Variants in MAPKBP1 observed in about 807,000 individuals in gnomAD.
MAPKBP1 encodes the protein mitogen-activated protein kinase binding protein 1, also known as mitogen-activated protein kinase-binding protein 1.
MAPKBP1 carries 71 observed loss-of-function variants against 170.5 expected under a neutral mutation model. The observed-to-expected ratio is 0.42, with a 90% CI of 0.34 to 0.51. MAPKBP1 has a LOEUF of 0.51. MAPKBP1 is among the 20% of genes least tolerant of loss of function. The pLI is 0.06. For synonymous variants in MAPKBP1, 719 were observed against 757.9 expected, an observed-to-expected ratio of 0.95 and a Z score of 0.84; for missense variants, 1,598 against 1,933.0, an observed-to-expected ratio of 0.83 and a Z score of 3.25.
In MAPKBP1 at chr15:41,813,623, C is replaced by G; in HGVS notation, c.822C>G (p.Thr274=). 1 of 1,613,770 alleles carries G rather than the reference C, an allele frequency of 6.2e-7. No individual in the cohort carries two copies. The highest frequency in any genetic ancestry group is 2.2e-5 in the East Asian group (1 of 44,880). The change falls in exon 9 of 31, where the codon ACC becomes ACG. Residue 274 remains threonine (T), a splice_region_variant and synonymous_variant. Coordinates refer to ENST00000457542, the MANE Select transcript of MAPKBP1 (RefSeq NM_014994.3). The stretch of plus-strand genomic sequence containing the variant: ...GAGCTGAGCCACTCTGCCCACAGAC[C>G]ACAGTGGCCCACTGCATCTCTGTGA... ...RLLDKWVELR[T]TVAHCISVSQ...
intron 3 of MAPKBP1, among the ~76,000 whole-genome samples, chr15:41,808,121 T>G (rs1343163040): frequency 6.8e-6 from 1 of 147,394 alleles, no homozygotes; most frequent in African/African-American, 2.5e-5. Context: ...TTTTTTTTTT[T>G]TTGTAGACCT....
rs2140864202 is a variant in MAPKBP1 at position 41,826,969 on chromosome 15, GC to G, written c.*1536del. ...TCAGGCCACGAGAGCCCCTTCACCC[GC>G]CCTGCTGCGCCATAGGCAGAGGCTT... On this transcript the variant is annotated 3_prime_UTR_variant, in exon 31 of 31. Coordinates refer to ENST00000457542, the MANE Select transcript of MAPKBP1 (RefSeq NM_014994.3). The G allele has an allele frequency of 6.6e-6, 1 of 152,272 alleles. No individual in the cohort carries two copies. Among genetic ancestry groups the G allele is most frequent in the Non-Finnish European group, 1.5e-5 (1 of 68,072 alleles). The allele number at this position is 152,272 out of a possible 1,614,324, so 9.4% of individuals were successfully genotyped here. A position where few individuals can be genotyped will look rare whatever the true frequency, so the allele number is the denominator to read the frequency against.
chr15:41,827,429 C>G lies in MAPKBP1; in HGVS notation c.*1993C>G, dbSNP rs1172906649. On this transcript the variant is annotated 3_prime_UTR_variant, in exon 31 of 31. Coordinates refer to ENST00000457542, the MANE Select transcript of MAPKBP1 (RefSeq NM_014994.3). ...TCGCCACCCGCATGGCCCTGGAACT[C>G]CCGCGGCGGCGGGGGCGGGCCCGTG... 3.9e-5 allele frequency: 6 copies of G among 152,530 alleles called. No individual in the cohort carries two copies. Among genetic ancestry groups the G allele is most frequent in the African/African-American group, 9.6e-5 (4 of 41,476 alleles). The allele number at this position is 152,530 out of a possible 1,614,324, so 9.4% of individuals were successfully genotyped here. A position where few individuals can be genotyped will look rare whatever the true frequency, so the allele number is the denominator to read the frequency against.
chr15:41,775,288 G>A lies in MAPKBP1; in HGVS notation c.13G>A (p.Gly5Arg), dbSNP rs1296588567. The change falls in exon 2 of 31, where the codon GGG becomes AGG. Residue 5 changes from glycine to arginine, a missense_variant. Physicochemically the swap from Gly to Arg is moderately radical, Grantham distance 125 (BLOSUM62 -2). Coordinates refer to ENST00000457542, the MANE Select transcript of MAPKBP1 (RefSeq NM_014994.3). MAVE[G>R]STITSRIKNL... ...GTTTCTCGTCATAATGGCTGTGGAAGGGTCAACCATTACCAGCCGGATCAA... is the reference window on the plus strand; with the variant it reads ...GTTTCTCGTCATAATGGCTGTGGAAAGGTCAACCATTACCAGCCGGATCAA... 1 of 1,613,760 alleles carries A rather than the reference G, an allele frequency of 6.2e-7. No individual in the cohort carries two copies. The highest frequency in any genetic ancestry group is 8.5e-7 in the Non-Finnish European group (1 of 1,179,786).
rs894889935 is a variant in MAPKBP1, at chr15:41,815,337, A to G, written c.1249A>G (p.Ile417Val). The G allele has an allele frequency of 6.2e-7, 1 of 1,614,052 alleles. No homozygotes were observed. The highest frequency in any genetic ancestry group is 8.5e-7 in the Non-Finnish European group (1 of 1,179,978). The change falls in exon 11 of 31, where the codon ATC (isoleucine) becomes GTC (valine). Residue 417 changes from isoleucine (I) to valine (V), a missense_variant. Around this residue, in one of 6 missense-constraint regions of MAPKBP1, gnomAD observed 430 missense variants for 617.2 expected, o/e 0.70. Coordinates refer to ENST00000457542, the MANE Select transcript of MAPKBP1 (RefSeq NM_014994.3). ...SFITCSSDNT[I>V]RLWNTESSGV... is the part of the protein sequence containing the mutation. The stretch of plus-strand genomic sequence containing the variant: ...TATTACCTGCTCCTCAGACAACACC[A>G]TCCGCCTGTGGAACACAGAGAGCTC...
chr15:41,818,729 C>T lies in MAPKBP1; in HGVS notation c.2157-94C>T, dbSNP rs956735705. 6.4e-7 allele frequency: 1 copy of T among 1,559,888 alleles called. No individual in the cohort carries two copies. ...GTGCTTGACCTGAAGTGGAGGGTGG[C>T]TCTGGTCTCCTTGCCATCCATGGAT... On this transcript the variant is annotated intron_variant, in intron 19 of 30. Transcript: ENST00000457542. The surrounding 1 kb of genome is among the most constrained non-coding windows in gnomAD (Gnocchi z 5.2).
At position 41,819,379 on chromosome 15, in the gene MAPKBP1, G is replaced by A. The variant is rs1222853895; in HGVS notation, c.2425G>A (p.Ala809Thr). The A allele has an allele frequency of 6.2e-7, 1 of 1,613,940 alleles. No individual in the cohort carries two copies. Among genetic ancestry groups the A allele is most frequent in the Non-Finnish European group, 8.5e-7 (1 of 1,179,932 alleles). Residue 809 changes from alanine (A) to threonine (T), a missense_variant and splice_region_variant, in exon 21 of 31, where the codon GCC becomes ACC. Physicochemically the swap from Ala to Thr is moderately conservative, Grantham distance 58. This residue lies in a region of MAPKBP1 where 942 missense variants were observed against 953.2 expected (regional missense o/e 0.99). Coordinates refer to ENST00000457542, the MANE Select transcript of MAPKBP1 (RefSeq NM_014994.3). ...VLAKSTKKALASVPSPALPRS... is the reference protein window; with the variant it reads ...VLAKSTKKALTSVPSPALPRS... ...TGCCAAGAGTACCAAGAAGGCACTGGGTCTGTGGCAGTTGGGTGTGGGGGC... is the reference window on the plus strand; with the variant it reads ...TGCCAAGAGTACCAAGAAGGCACTGAGTCTGTGGCAGTTGGGTGTGGGGGC...
chr15:41,813,258 C>T, intron 8 of MAPKBP1, 157 bp downstream of exon 8: 2 of 1,503,788 alleles, frequency 1.3e-6, no homozygotes, highest in South Asian at 1.1e-5. Flanking sequence ...CATTTCCAGC[C>T]CTTGGTGATC....
rs1478086771 is a variant in MAPKBP1 at position 41,811,982 on chromosome 15, T to C, written c.353T>C (p.Val118Ala). 3 of 1,614,002 alleles carry C rather than the reference T, an allele frequency of 1.9e-6. No individual in the cohort carries two copies. Among genetic ancestry groups the C allele is most frequent in the Non-Finnish European group, 2.5e-6 (3 of 1,179,984 alleles). ...GESGHMPAVR[V>A]WDVAEHSQVA... is the part of the protein sequence containing the mutation. Reference sequence around the variant, plus strand: ...AGTGGGCACATGCCTGCCGTGCGGGTTTGGGACGTGGCAGAGCACAGCCAG... The same window carrying C: ...AGTGGGCACATGCCTGCCGTGCGGGCTTGGGACGTGGCAGAGCACAGCCAG... Residue 118 changes from valine (V) to alanine (A), a missense_variant, in exon 6 of 31, where the codon GTT becomes GCT. Val to Ala is a moderately conservative substitution (Grantham distance 64). Transcript: ENST00000457542.
intron 2 of MAPKBP1, among the ~76,000 whole-genome samples, chr15:41,777,759 C>G (rs2064121799): frequency 6.6e-6 from 1 of 152,190 alleles, no homozygotes; most frequent in Admixed American, 6.5e-5. Context: ...GTGAGTTGCT[C>G]TAACATGTGG....
intron 2 of MAPKBP1, among the ~76,000 whole-genome samples, chr15:41,792,905 G>A (rs1274071494): frequency 2.0e-5 from 3 of 152,140 alleles, no homozygotes; most frequent in Non-Finnish European, 4.4e-5. Context: ...AGTATTTAGA[G>A]GGGTGGGTCA....
Position 41,819,393 on chromosome 15 carries a change from G to A in MAPKBP1, c.2425+14G>A. 1 of 1,613,560 alleles carries A rather than the reference G, an allele frequency of 6.2e-7. No individual in the cohort carries two copies. ...AGAAGGCACTGGGTCTGTGGCAGTT[G>A]GGTGTGGGGGCAGACAGGCCCTAGT... On this transcript the variant is annotated intron_variant, in intron 21 of 30. Coordinates refer to ENST00000457542, the MANE Select transcript of MAPKBP1 (RefSeq NM_014994.3).
chr15:41,822,486 AG>A, intron 26 of MAPKBP1, 64 bp downstream of exon 26: 1 of 1,599,304 alleles, frequency 6.3e-7, no homozygotes, highest in Non-Finnish European at 8.6e-7. Context: ...TGCCTACCTG[AG>A]AGGAGGGTCC....
At chr15:41,780,341 C>T (rs950998602) in intron 2 of MAPKBP1, among the ~76,000 whole-genome samples, 3 of 152,138 alleles carry the variant, frequency 2.0e-5, no homozygotes, top group African/African-American at 7.2e-5. Flanking sequence ...ACCTCCCCAC[C>T]AACCCTCTGA....
intron 2 of MAPKBP1, among the ~76,000 whole-genome samples, chr15:41,794,771 A>G (rs913954686): frequency 2.0e-5 from 3 of 152,194 alleles, no homozygotes; most frequent in Non-Finnish European, 2.9e-5. Context: ...CCTGTCCTCA[A>G]AGAGCTCACA....
rs748037210 is a variant in MAPKBP1, at chr15:41,799,823, G to A, written c.115G>A (p.Val39Met). The A allele has an allele frequency of 6.2e-7, 1 of 1,613,066 alleles. No homozygotes were observed. The highest frequency in any genetic ancestry group is 2.2e-5 in the East Asian group (1 of 44,878). ...TGTCACTTCTCTCTTCCTCTAACAG[G>A]TGACCTTGGAGAAGGTGCTGGGAAT... ...GNRREDLSSKVTLEKVLGITV... is the reference protein window; with the variant it reads ...GNRREDLSSKMTLEKVLGITV... Residue 39 changes from valine to methionine, a missense_variant and splice_region_variant, in exon 3 of 31, where the codon GTG (valine) becomes ATG (methionine). By Grantham distance (21) the Val-to-Met change is conservative. Coordinates refer to ENST00000457542, the MANE Select transcript of MAPKBP1 (RefSeq NM_014994.3).
At chr15:41,785,695 A>C (rs1186429482) in intron 2 of MAPKBP1, among the ~76,000 whole-genome samples, 1 of 152,206 alleles carries the variant, frequency 6.6e-6, no homozygotes, top group African/African-American at 2.4e-5. Context: ...TGACCAGAGT[A>C]AAATAATCTA....
At chr15:41,804,332 G>A (rs1231873585) in intron 3 of MAPKBP1, among the ~76,000 whole-genome samples, 1 of 152,212 alleles carries the variant, frequency 6.6e-6, no homozygotes, top group Non-Finnish European at 1.5e-5. Context: ...GGAGCCACAC[G>A]GGCTCTGCCT....
intron 2 of MAPKBP1, among the ~76,000 whole-genome samples, chr15:41,793,518 TTTA>T (rs1412281434): frequency 1.3e-5 from 2 of 152,120 alleles, no homozygotes; most frequent in Non-Finnish European, 2.9e-5. Flanking sequence ...ATGTAATGGG[TTTA>T]TTGTTATTTC....
Sources: allele counts gnomAD v4.1 joint callset (sites outside exome capture counted in the v4.1 genomes callset), GRCh38; gene constraint gnomAD v4.1.1; regional missense constraint gnomAD v4.1.1; non-coding constraint Gnocchi (gnomAD v3.1); transcripts MANE v1.5; gene names NCBI Gene and HGNC (gene_info 2026-07-23, HGNC 2026-07-21).